Variants in PTPRS observed in about 807,000 individuals in gnomAD.
PTPRS encodes the protein receptor-type tyrosine-protein phosphatase S.
PTPRS carries 63 observed loss-of-function variants against 215.3 expected under a neutral mutation model. The observed-to-expected ratio is 0.29, with a 90% CI of 0.24 to 0.36. PTPRS has a LOEUF of 0.36. PTPRS is among the 10% of genes least tolerant of loss of function. PTPRS has a pLI of 1.00. For synonymous variants in PTPRS, 1,404 were observed against 1,191.4 expected, an observed-to-expected ratio of 1.18 and a Z score of -3.68; for missense variants, 2,258 against 2,825.8, an observed-to-expected ratio of 0.80 and a Z score of 4.56.
At chr19:5,216,075 G>A (rs1655281728) in intron 26 of PTPRS, among the ~76,000 whole-genome samples, 1 of 152,156 alleles carries the variant, frequency 6.6e-6, no homozygotes, top group Non-Finnish European at 1.5e-5. Context: ...TCAGAGGCAC[G>A]AAATCCGCTT....
chr19:5,231,630 G>T lies in PTPRS; in HGVS notation c.1850-15C>A. ...GGCTGACGGTTCTATTGGAGGGGGGGAGAACGTGGGGGGGTGGGGAAGGGA... is the reference window on the plus strand; with the variant it reads ...GGCTGACGGTTCTATTGGAGGGGGGTAGAACGTGGGGGGGTGGGGAAGGGA... On this transcript the variant is annotated splice_polypyrimidine_tract_variant and intron_variant, in intron 13 of 37. Coordinates refer to ENST00000262963, the MANE Select transcript of PTPRS (RefSeq NM_002850.4). 9.2e-6 allele frequency: 1 copy of T among 109,194 alleles called. No homozygotes were observed. The highest frequency in any genetic ancestry group is 1.8e-5 in the Non-Finnish European group (1 of 56,060). 6.8% of individuals were successfully genotyped at this position (109,194 alleles called of 1,614,324 possible).
At chr19:5,213,301 G>A (rs2041100271) in intron 30 of PTPRS, among the ~76,000 whole-genome samples, 1 of 134,360 alleles carries the variant, frequency 7.4e-6, no homozygotes. Context: ...GCCCTCCATG[G>A]CTCCTGCCTC....
At chr19:5,262,916 AAG>A (rs1236257011) in intron 6 of PTPRS, 46 bp downstream of exon 6, 1 of 1,547,418 alleles carries the variant, frequency 6.5e-7, no homozygotes, top group African/African-American at 1.4e-5. Context: ...AAGGGGCACA[AAG>A]GGGATGGGGC....
chr19:5,310,771 T>C (rs1218782764), intron 1 of PTPRS, among the ~76,000 whole-genome samples: 1 of 152,094 alleles, frequency 6.6e-6, no homozygotes, highest in Non-Finnish European at 1.5e-5. Context: ...AGTGACGCAA[T>C]CTCAGCTCAC....
chr19:5,265,534 G>A (rs1012541847), intron 4 of PTPRS, among the ~76,000 whole-genome samples: 3 of 152,142 alleles, frequency 2.0e-5, no homozygotes, highest in African/African-American at 7.2e-5. Flanking sequence ...TAGAGAGGGG[G>A]TCTCGCTGTG....
rs991971302 is a variant in PTPRS at position 5,208,183 on chromosome 19, C to T, written c.5642+54G>A. 1.4e-5 allele frequency: 22 copies of T among 1,556,958 alleles called. No individual in the cohort carries two copies. In the African/African-American group the frequency reaches 1.9e-4, roughly 13 times the overall value. Reference sequence around the variant, plus strand: ...AGCCTAAGCTTGGGGCTGTCCCCACCAGGCCTCAGTTTCCCCAGCAGGGCC... The same window carrying T: ...AGCCTAAGCTTGGGGCTGTCCCCACTAGGCCTCAGTTTCCCCAGCAGGGCC... On this transcript the variant is annotated intron_variant, in intron 36 of 37. Transcript: ENST00000262963.
intron 1 of PTPRS, among the ~76,000 whole-genome samples, chr19:5,318,128 G>A (rs867138589): frequency 2.0e-5 from 3 of 150,556 alleles, no homozygotes; most frequent in African/African-American, 4.9e-5. Context: ...CCGAGATCAC[G>A]CCACTGCACT....
intron 13 of PTPRS, 57 bp downstream of exon 13, chr19:5,238,862 T>C (rs1185589383): frequency 6.7e-7 from 1 of 1,498,908 alleles, no homozygotes; most frequent in African/African-American, 1.5e-5. Context: ...CGAGGGGCTG[T>C]CTGCGGTCAG....
chr19:5,304,627 TGATAGGGG>T (rs2049417511), intron 1 of PTPRS, among the ~76,000 whole-genome samples: 1 of 151,912 alleles, frequency 6.6e-6, no homozygotes, highest in Non-Finnish European at 1.5e-5. Context: ...CCTGTCTGGG[TGATAGGGG>T]GAGACTCCGT....
At chr19:5,235,068 G>C (rs2043327542) in intron 13 of PTPRS, among the ~76,000 whole-genome samples, 1 of 151,578 alleles carries the variant, frequency 6.6e-6, no homozygotes, top group Admixed American at 6.6e-5. Context: ...AGCCTCCCGA[G>C]TAGCTGGGAC....
chr19:5,216,695 G>T, intron 26 of PTPRS, 25 bp downstream of exon 26: 1 of 1,529,954 alleles, frequency 6.5e-7, no homozygotes, highest in East Asian at 2.4e-5. Flanking sequence ...GCGAAAGGAA[G>T]CCAAAAACAG....
chr19:5,210,594 C>T lies in PTPRS; in HGVS notation c.5362G>A (p.Glu1788Lys). The T allele has an allele frequency of 6.2e-7, 1 of 1,614,202 alleles. No individual in the cohort carries two copies. Among genetic ancestry groups the T allele is most frequent in the Non-Finnish European group, 8.5e-7 (1 of 1,180,030 alleles). Residue 1788 changes from glutamate (E) to lysine (K), a missense_variant and splice_region_variant, in exon 35 of 38, where the codon GAG becomes AAG. Around this residue, in one of 6 missense-constraint regions of PTPRS, gnomAD observed 927 missense variants for 1,125.9 expected, o/e 0.82. Transcript: ENST00000262963. This position sits in a 1 kb window ranked among gnomAD's most constrained non-coding sequence, Gnocchi z 4.5. ...GCCGGCCAGTACTGGTGACACTTCTCCTGTGGAGGAGATGGCGGCCGTGGT... is the reference window on the plus strand; with the variant it reads ...GCCGGCCAGTACTGGTGACACTTCTTCTGTGGAGGAGATGGCGGCCGTGGT... ...MLTKLREMGR[E>K]KCHQYWPAER...
In PTPRS at chr19:5,219,438, G is replaced by A. The variant is rs951670048; in HGVS notation, c.3795C>T (p.Pro1265=). The A allele has an allele frequency of 1.2e-6, 2 of 1,607,910 alleles. No homozygotes were observed. The highest frequency in any genetic ancestry group is 1.7e-6 in the Non-Finnish European group (2 of 1,177,210). ...GGGGGTCCGGGTTATCCAGCTGGAA[G>A]GGGTCTGAGAAGGGACTGGCTGCAA... The part of the protein sequence containing the change: ...PTFAASPFSD[P]FQLDNPDPQP... Residue 1265 remains proline, a synonymous_variant, in exon 23 of 38, where the codon CCC becomes CCT. Transcript: ENST00000262963.
Position 5,215,576 on chromosome 19 carries a change from T to G in PTPRS, c.4116A>C (p.Pro1372=). ...FHFESMLSHP[P]IPIADMAEHT... ...GCTCCGCCATGTCTGCGATGGGAAT[T>G]GGCGGGTGGCTAAGCATGCCTACAG... Residue 1372 remains proline, a synonymous_variant, in exon 27 of 38, where the codon CCA becomes CCC. Transcript: ENST00000262963. 6.4e-7 allele frequency: 1 copy of G among 1,562,212 alleles called. No homozygotes were observed. Among genetic ancestry groups the G allele is most frequent in the Non-Finnish European group, 8.7e-7 (1 of 1,151,318 alleles).
rs1055793396 is a variant in PTPRS at position 5,293,468 on chromosome 19, G to T, written c.-94-7234C>A. Among the ~76,000 whole-genome samples the T allele has an allele frequency of 6.6e-6, 1 of 152,018 alleles. No homozygotes were observed. The highest frequency in any genetic ancestry group is 2.4e-5 in the African/African-American group (1 of 41,408). ...CGCAGGAGTCCATGAAACACTGAGCGAAGGGGCGCCCCAGGGAGGGCACGA... is the reference window on the plus strand; with the variant it reads ...CGCAGGAGTCCATGAAACACTGAGCTAAGGGGCGCCCCAGGGAGGGCACGA... On this transcript the variant is annotated intron_variant, in intron 1 of 37. Coordinates refer to ENST00000262963, the MANE Select transcript of PTPRS (RefSeq NM_002850.4). This position sits in a 1 kb window ranked among gnomAD's most constrained non-coding sequence, Gnocchi z 8.4.
At chr19:5,246,175 GAAA>G (rs923816540) in intron 9 of PTPRS, 130 bp from the exon 10 acceptor site, 20 of 439,300 alleles carry the variant, frequency 4.6e-5, no homozygotes, top group African/African-American at 1.9e-4. Flanking sequence ...AGGAAAGAAA[GAAA>G]AAAAGAAAAA....
Position 5,222,894 on chromosome 19 carries a change from C to A in PTPRS, c.2898G>T (p.Thr966=). The part of the protein sequence containing the change: ...AERNGAIVKY[T]VAVREAGALG... The stretch of plus-strand genomic sequence containing the variant: ...GGGCACCGGCCTCCCGCACGGCCAC[C>A]GTGTATTTGACGATGGCCCCGTTGC... The change falls in exon 18 of 38, where the codon ACG becomes ACT. Residue 966 remains threonine, a synonymous_variant. Transcript: ENST00000262963. 6.4e-7 allele frequency: 1 copy of A among 1,574,078 alleles called. No individual in the cohort carries two copies. Among genetic ancestry groups the A allele is most frequent in the Non-Finnish European group, 8.6e-7 (1 of 1,166,594 alleles).
chr19:5,267,482 C>G (rs1425225754), intron 4 of PTPRS, among the ~76,000 whole-genome samples: 3 of 151,906 alleles, frequency 2.0e-5, no homozygotes, highest in Non-Finnish European at 4.4e-5. Flanking sequence ...CATGGTGAAA[C>G]CCCGTCTCTA....
chr19:5,336,663 G>GT (rs1192963968), intron 1 of PTPRS, among the ~76,000 whole-genome samples: 2 of 152,110 alleles, frequency 1.3e-5, no homozygotes, highest in Admixed American at 1.3e-4. Flanking sequence ...TGAATTTTTG[G>GT]TTTTTTTGTT....
Sources: allele counts gnomAD v4.1 joint callset (sites outside exome capture counted in the v4.1 genomes callset), GRCh38; gene constraint gnomAD v4.1.1; regional missense constraint gnomAD v4.1.1; non-coding constraint Gnocchi (gnomAD v3.1); transcripts MANE v1.5; gene names NCBI Gene and HGNC (gene_info 2026-07-23, HGNC 2026-07-21).